PCDHGA1: variants seen among roughly 807,000 people sequenced by gnomAD.
PCDHGA1 encodes protocadherin gamma subfamily A, 1.
A neutral mutation model predicts 58.0 loss-of-function variants in PCDHGA1; 32 were observed. That is an observed-to-expected ratio of 0.55 (90% confidence interval 0.42 to 0.74). PCDHGA1 has a LOEUF of 0.74. Among genes scored for constraint, PCDHGA1 ranks in the 30% least tolerant of loss-of-function variants. PCDHGA1 has a pLI of 0.00. For synonymous variants in PCDHGA1, 498 were observed against 501.1 expected, an observed-to-expected ratio of 0.99 and a Z score of 0.08; for missense variants, 1,205 against 1,182.3, an observed-to-expected ratio of 1.02 and a Z score of -0.28.
At position 141,485,971 on chromosome 5, in the gene PCDHGA1, C is replaced by T; in HGVS notation, c.2422-8836C>T. On this transcript the variant is annotated intron_variant, in intron 1 of 3. Transcript: ENST00000517417. This position sits in a 1 kb window ranked among gnomAD's most constrained non-coding sequence, Gnocchi z 5.7. Reference sequence around the variant, plus strand: ...GCATGGTGCTCATCCAGCTCAATGCCTCAGACCCGGACCTGGGTCCCAGTG... The same window carrying T: ...GCATGGTGCTCATCCAGCTCAATGCTTCAGACCCGGACCTGGGTCCCAGTG... The T allele has an allele frequency of 6.2e-7, 1 of 1,614,196 alleles. No individual in the cohort carries two copies. The highest frequency in any genetic ancestry group is 8.5e-7 in the Non-Finnish European group (1 of 1,180,042).
chr5:141,363,560 T>C (rs1191147293), intron 1 of PCDHGA1, among the ~76,000 whole-genome samples: 1 of 152,198 alleles, frequency 6.6e-6, no homozygotes, highest in East Asian at 1.9e-4. Context: ...AACATGGTAA[T>C]AGAAAAACAT....
Position 141,346,916 on chromosome 5 carries a change from A to T in PCDHGA1, c.2421+13811A>T, listed in dbSNP as rs935999484. Among the ~76,000 whole-genome samples the T allele has an allele frequency of 2.0e-5, 3 of 152,270 alleles. No individual in the cohort carries two copies. In the East Asian group the frequency reaches 5.8e-4, roughly 29 times the overall value. On this transcript the variant is annotated intron_variant, in intron 1 of 3. Coordinates refer to ENST00000517417, the MANE Select transcript of PCDHGA1 (RefSeq NM_018912.3). Reference sequence around the variant, plus strand: ...TCCTGATACATACAAGTAAAAATACATATGAATAAAAGATATTTTATGCCC... The same window carrying T: ...TCCTGATACATACAAGTAAAAATACTTATGAATAAAAGATATTTTATGCCC...
At chr5:141,429,169 T>TACACACACACACACACAC (rs10667977) in intron 1 of PCDHGA1, 2 of 145,394 alleles carry the variant, frequency 1.4e-5, no homozygotes, top group African/African-American at 5.1e-5. Flanking sequence ...ACATTGTTTA[T>TACACACACACACACACAC]ACACACACAC....
At position 141,375,854 on chromosome 5, in the gene PCDHGA1, G is replaced by A. The variant is rs937512272; in HGVS notation, c.2421+42749G>A. 3.1e-6 allele frequency: 5 copies of A among 1,613,934 alleles called. No homozygotes were observed. The South Asian group carries it at 5.5e-5, about 18-fold the overall frequency. ...AGAGCCCGGCTACCTGGTGACCAAG[G>A]TGGTGGCGGTGGACAGAGACTCGGG... On this transcript the variant is annotated intron_variant, in intron 1 of 3. Coordinates refer to ENST00000517417, the MANE Select transcript of PCDHGA1 (RefSeq NM_018912.3).
At chr5:141,341,469 T>C in intron 1 of PCDHGA1, 2 of 1,592,980 alleles carry the variant, frequency 1.3e-6, no homozygotes, top group Middle Eastern at 1.7e-4. Flanking sequence ...ACTATATCTA[T>C]TTTGTTCCCC....
intron 1 of PCDHGA1, chr5:141,366,216 CG>C (rs1338698624): frequency 6.2e-7 from 1 of 1,613,804 alleles, no homozygotes; most frequent in Non-Finnish European, 8.5e-7. Context: ...GTGCGCACAG[CG>C]CGAGCCCTGC....
chr5:141,375,590 T>C (rs750456402), intron 1 of PCDHGA1: 1 of 1,614,162 alleles, frequency 6.2e-7, no homozygotes, highest in South Asian at 1.1e-5. Flanking sequence ...GCCCCTGTCC[T>C]CCTACGTGTC....
intron 1 of PCDHGA1, among the ~76,000 whole-genome samples, chr5:141,469,859 A>C (rs2099213257): frequency 6.6e-6 from 1 of 152,080 alleles, no homozygotes; most frequent in Non-Finnish European, 1.5e-5. Context: ...GACCGGGTGC[A>C]ATGGCTCACG....
intron 1 of PCDHGA1, among the ~76,000 whole-genome samples, chr5:141,369,499 T>A (rs1052662878): frequency 5.3e-5 from 8 of 151,958 alleles, no homozygotes; most frequent in Non-Finnish European, 1.2e-4. Context: ...AAACCCCACC[T>A]CTATAGAAAA....
intron 1 of PCDHGA1, chr5:141,340,111 A>G (rs2149722778): frequency 6.2e-7 from 1 of 1,614,090 alleles, no homozygotes; most frequent in African/African-American, 1.3e-5. Flanking sequence ...GGCAGAACGC[A>G]TTCACCACCT....
chr5:141,490,130 C>A lies in PCDHGA1; in HGVS notation c.2422-4677C>A, dbSNP rs535362535. On this transcript the variant is annotated intron_variant, in intron 1 of 3. Coordinates refer to ENST00000517417, the MANE Select transcript of PCDHGA1 (RefSeq NM_018912.3). The surrounding 1 kb of genome is among the most constrained non-coding windows in gnomAD (Gnocchi z 5.4). ...GTGCGGAACCTCTTTGGCCTAGACC[C>A]TAGCAGTGGGGCAATCCATGTGTTG... 11 of 1,614,242 alleles carry A rather than the reference C, an allele frequency of 6.8e-6. No individual in the cohort carries two copies. In the African/African-American group the frequency reaches 1.3e-4, roughly 20 times the overall value.
At chr5:141,375,606 A>G (rs1187736346) in intron 1 of PCDHGA1, 3 of 1,613,806 alleles carry the variant, frequency 1.9e-6, no homozygotes, top group South Asian at 1.1e-5. Context: ...GTGTCCATCA[A>G]CTCCGACACT....
intron 1 of PCDHGA1, among the ~76,000 whole-genome samples, chr5:141,466,360 G>A (rs2099121274): frequency 6.6e-6 from 1 of 152,070 alleles, no homozygotes; most frequent in South Asian, 2.1e-4. Context: ...TAATCTAGAT[G>A]TAATGGTTTT....
Position 141,454,981 on chromosome 5 carries a change from A to T in PCDHGA1, c.2422-39826A>T, listed in dbSNP as rs528657512. 9.9e-3 allele frequency among the ~76,000 whole-genome samples: 1,486 copies of T among 150,680 alleles called. 32 individuals carry two copies. Among genetic ancestry groups the T allele is most frequent in the African/African-American group, 0.034 (1,392 of 41,092 alleles). On this transcript the variant is annotated intron_variant, in intron 1 of 3. Coordinates refer to ENST00000517417, the MANE Select transcript of PCDHGA1 (RefSeq NM_018912.3). ...GGCCACCACGCCTGGCTAATTTTTTAAAAAATATTTTTAGTAGAGACGGGG... is the reference window on the plus strand; with the variant it reads ...GGCCACCACGCCTGGCTAATTTTTTTAAAAATATTTTTAGTAGAGACGGGG...
At chr5:141,374,059 C>T in intron 1 of PCDHGA1, 1 of 1,489,738 alleles carries the variant, frequency 6.7e-7, no homozygotes, top group Non-Finnish European at 8.9e-7. Flanking sequence ...TTCTTAATCC[C>T]AGAGAAGTTC....
In PCDHGA1 at chr5:141,491,272, A is replaced by G. The variant is rs2099710110; in HGVS notation, c.2422-3535A>G. On this transcript the variant is annotated intron_variant, in intron 1 of 3. Transcript: ENST00000517417. The surrounding 1 kb of genome is among the most constrained non-coding windows in gnomAD (Gnocchi z 6.9). The stretch of plus-strand genomic sequence containing the variant: ...GGACCCTGAGGAAATGCCCAAATCC[A>G]GTGACTTCCTCATACACCCTCCTGA... The G allele has an allele frequency of 1.2e-6, 2 of 1,614,084 alleles. No homozygotes were observed. Among genetic ancestry groups the G allele is most frequent in the Non-Finnish European group, 1.7e-6 (2 of 1,179,928 alleles).
intron 1 of PCDHGA1, among the ~76,000 whole-genome samples, chr5:141,347,853 T>A (rs6863116): frequency 0.14 from 21,466 of 151,966 alleles, 2,079 homozygotes; most frequent in African/African-American, 0.28. Flanking sequence ...ATATGCCTAA[T>A]GTATATGCTT....
intron 1 of PCDHGA1, chr5:141,397,905 G>C: frequency 1.5e-6 from 1 of 659,508 alleles, no homozygotes; most frequent in East Asian, 2.8e-5. Flanking sequence ...GCAGAGCTTG[G>C]CGCTCCAGAT....
At position 141,403,043 on chromosome 5, in the gene PCDHGA1, A is replaced by C. The variant is rs779412498; in HGVS notation, c.2421+69938A>C. On this transcript the variant is annotated intron_variant, in intron 1 of 3. Coordinates refer to ENST00000517417, the MANE Select transcript of PCDHGA1 (RefSeq NM_018912.3). ...GCTATGGGAGGCCAGGGCCAGTCAG[A>C]TTCGCTACTCAGTGCCTGAAGAGAC... 21 of 1,614,070 alleles carry C rather than the reference A, an allele frequency of 1.3e-5. No homozygotes were observed. In the South Asian group the frequency reaches 2.3e-4, roughly 18 times the overall value.
Sources: gnomAD v4.1 joint callset for allele counts (sites outside exome capture counted in the v4.1 genomes callset) on GRCh38, gnomAD v4.1.1 for gene constraint, Gnocchi (gnomAD v3.1) non-coding constraint, MANE v1.5 for transcripts, NCBI Gene and HGNC (gene_info 2026-07-23, HGNC 2026-07-21) for gene names.